Variants in TOP1MT observed in about 807,000 individuals in gnomAD.
TOP1MT encodes the protein DNA topoisomerase I mitochondrial, also known as DNA topoisomerase I, mitochondrial.
In TOP1MT, 80 loss-of-function variants were observed where a neutral mutation model predicts 73.9. That is an observed-to-expected ratio of 1.08 (90% CI 0.90 to 1.30). The LOEUF (loss-of-function observed/expected upper bound fraction) is 1.30, where lower values mean the gene tolerates loss of function less well. Ranked by LOEUF, TOP1MT falls within the 50% of genes most tolerant of loss-of-function variation. The pLI is 0.00. For synonymous variants in TOP1MT, 338 were observed against 326.4 expected, an observed-to-expected ratio of 1.04 and a Z score of -0.38; for missense variants, 815 against 808.0, an observed-to-expected ratio of 1.01 and a Z score of -0.10.
upstream of TOP1MT, chr8:143,359,461 C>A: frequency 1.0e-6 from 1 of 984,500 alleles, no homozygotes; most frequent in Non-Finnish European, 1.2e-6. Context: ...AGACCCTTTT[C>A]CTAGGCAGCC....
upstream of TOP1MT, among the ~76,000 whole-genome samples, chr8:143,358,107 T>C (rs1030230078): frequency 2.0e-5 from 3 of 151,990 alleles, no homozygotes; most frequent in Non-Finnish European, 4.4e-5. Flanking sequence ...ATAATATAAA[T>C]AAATAAAAAT....
At chr8:143,338,832 G>T (rs536274655), upstream of TOP1MT, among the ~76,000 whole-genome samples, 3 of 152,270 alleles carry the variant, frequency 2.0e-5, no homozygotes, top group South Asian at 2.1e-4. Flanking sequence ...ACCAGAAGGG[G>T]TTTCTATGAA....
chr8:143,342,529 G>A (rs529171102), intron 2 of TOP1MT, among the ~76,000 whole-genome samples: 3 of 129,222 alleles, frequency 2.3e-5, no homozygotes, highest in African/African-American at 8.3e-5. Context: ...TAGAGACAGA[G>A]TCTCGCTCTG....
chr8:143,326,839 G>C (rs777199107), intron 3 of TOP1MT, among the ~76,000 whole-genome samples: 1 of 152,192 alleles, frequency 6.6e-6, no homozygotes, highest in Non-Finnish European at 1.5e-5. Flanking sequence ...ACAAAATACC[G>C]GGGACTGGTC....
Position 143,325,424 on chromosome 8 carries a change from C to T in TOP1MT, c.593G>A (p.Arg198His), listed in dbSNP as rs751215094. The T allele has an allele frequency of 1.7e-5, 28 of 1,612,770 alleles. No individual in the cohort carries two copies. Among genetic ancestry groups the T allele is most frequent in the Middle Eastern group, 1.6e-4 (1 of 6,082 alleles). Residue 198 changes from arginine (R) to histidine (H), a missense_variant, in exon 5 of 14, where the codon CGT (arginine) becomes CAT (histidine). Physicochemically the swap from Arg to His is conservative, Grantham distance 29 (BLOSUM62 0). Around this residue, in one of 3 missense-constraint regions of TOP1MT, gnomAD observed 751 missense variants for 725.4 expected, o/e 1.04. Transcript: ENST00000329245. ...NFKIEPPGLF[R>H]GRGDHPKMGM... The stretch of plus-strand genomic sequence containing the variant: ...CATCTTGGGATGGTCGCCACGGCCA[C>T]GGAACAAGCCAGGCGGCTCAATCTT...
In TOP1MT at chr8:143,325,325, G is replaced by A. The variant is rs760440859; in HGVS notation, c.671+21C>T. ...GGTGGCGGGGGTCCAGTGCCCGCCTGCTGCCCGCCCGGCCACGCACCTGCT... is the reference window on the plus strand; with the variant it reads ...GGTGGCGGGGGTCCAGTGCCCGCCTACTGCCCGCCCGGCCACGCACCTGCT... On this transcript the variant is annotated intron_variant, in intron 5 of 13. Transcript: ENST00000329245. 1.9e-6 allele frequency: 3 copies of A among 1,573,920 alleles called. No homozygotes were observed. In the East Asian group the frequency reaches 6.8e-5, roughly 36 times the overall value.
chr8:143,314,218 A>C (rs1381314542), intron 12 of TOP1MT, among the ~76,000 whole-genome samples: 1 of 151,994 alleles, frequency 6.6e-6, no homozygotes, highest in Non-Finnish European at 1.5e-5. Context: ...GACAATCACA[A>C]ACCTCCTTGG....
At chr8:143,342,465 CTGT>C (rs1302655286) in intron 2 of TOP1MT, among the ~76,000 whole-genome samples, 2 of 117,968 alleles carry the variant, frequency 1.7e-5, no homozygotes, top group East Asian at 2.3e-4. Flanking sequence ...GAGTCTCGCT[CTGT>C]TATTATTATT....
rs1817344932 is a variant in TOP1MT, at chr8:143,352,944, ACAAT to A, written c.-39+3017_-39+3020del. On this transcript the variant is annotated intron_variant, in intron 1 of 5. Coordinates refer to the TOP1MT transcript ENST00000518760. ...AAAAACACACACAGGCAAAGCACAAACAATCAAAGATAAAACACATAAATTGAAC... is the reference window on the plus strand; with the variant it reads ...AAAAACACACACAGGCAAAGCACAAACAAAGATAAAACACATAAATTGAAC... 5.3e-5 allele frequency among the ~76,000 whole-genome samples: 8 copies of A among 152,240 alleles called. No individual in the cohort carries two copies. In the South Asian group the frequency reaches 1.7e-3, roughly 31 times the overall value.
intron 7 of TOP1MT, among the ~76,000 whole-genome samples, chr8:143,321,993 T>TGCCCACCACAC (rs1563758669): frequency 4.7e-5 from 1 of 21,208 alleles, no homozygotes; most frequent in Non-Finnish European, 9.2e-5. Context: ...GCCACACACA[T>TGCCCACCACAC]GCACGCCACA....
chr8:143,347,080 G>A (rs1817235884), upstream of TOP1MT, among the ~76,000 whole-genome samples: 1 of 152,012 alleles, frequency 6.6e-6, no homozygotes, highest in Admixed American at 6.6e-5. Flanking sequence ...CGCCTCCCAG[G>A]TTCAAGCGAT....
rs753638816 is a variant in TOP1MT at position 143,334,751 on chromosome 8, G to A, written c.111C>T (p.Gly37=). ...GVPGSRRTQK[G]SGARWEKEKH... ...CTGGGACACCTTACCTGGCTCCACT[G>A]CCCTTCTGCGTCCTGCGCGAGCCCG... The change falls in exon 1 of 14, where the codon GGC becomes GGT. Residue 37 remains glycine, a synonymous_variant. Transcript: ENST00000329245. 3.7e-6 allele frequency: 6 copies of A among 1,600,042 alleles called. No individual in the cohort carries two copies. In the African/African-American group the frequency reaches 8.3e-5, roughly 22 times the overall value.
upstream of TOP1MT, among the ~76,000 whole-genome samples, chr8:143,345,376 T>TG (rs1817203357): frequency 6.6e-6 from 1 of 152,172 alleles, no homozygotes; most frequent in African/African-American, 2.4e-5. Context: ...GAACCAGCAC[T>TG]GGGCACAGGA....
chr8:143,355,067 T>C (rs903635190), intron 1 of TOP1MT, among the ~76,000 whole-genome samples: 2 of 152,226 alleles, frequency 1.3e-5, no homozygotes, highest in African/African-American at 4.8e-5. Flanking sequence ...GTGCACCGCC[T>C]GCCTACTTAG....
At chr8:143,322,093 AAACACGCACGC>A (rs1816434565) in intron 7 of TOP1MT, among the ~76,000 whole-genome samples, 1 of 102,040 alleles carries the variant, frequency 9.8e-6, no homozygotes, top group Non-Finnish European at 1.9e-5. Context: ...CAGGCATGCC[AAACACGCACGC>A]CACACATGCA....
At chr8:143,329,167 C>T (rs895876098) in intron 3 of TOP1MT, among the ~76,000 whole-genome samples, 183 bp downstream of exon 3, 12 of 152,000 alleles carry the variant, frequency 7.9e-5, no homozygotes, top group African/African-American at 1.9e-4. Flanking sequence ...CTCAGGAGGC[C>T]GAGACAGGAG....
chr8:143,351,272 G>A (rs950571152), intron 1 of TOP1MT, among the ~76,000 whole-genome samples: 2 of 152,060 alleles, frequency 1.3e-5, no homozygotes, highest in Non-Finnish European at 2.9e-5. Flanking sequence ...TTCAACAAGT[G>A]TCATAAAAAC....
chr8:143,335,518 C>A (rs1816967589), upstream of TOP1MT, among the ~76,000 whole-genome samples: 1 of 152,208 alleles, frequency 6.6e-6, no homozygotes, highest in African/African-American at 2.4e-5. Flanking sequence ...GCGCTCAGTC[C>A]CCAGCGTGAC....
intron 12 of TOP1MT, among the ~76,000 whole-genome samples, chr8:143,311,479 G>A (rs181801614): frequency 1.8e-4 from 27 of 152,322 alleles, no homozygotes; most frequent in Middle Eastern, 3.4e-3. Flanking sequence ...CAGGAGCAGT[G>A]GCTCACGCCT....
Sources: allele counts gnomAD v4.1 joint callset (sites outside exome capture counted in the v4.1 genomes callset), GRCh38; gene constraint gnomAD v4.1.1; regional missense constraint gnomAD v4.1.1; transcripts MANE v1.5; gene names NCBI Gene and HGNC (gene_info 2026-07-23, HGNC 2026-07-21).